GRIK2: variants seen among roughly 807,000 people sequenced by gnomAD.
The protein encoded by GRIK2 is glutamate ionotropic receptor kainate type subunit 2, also known as glutamate receptor ionotropic, kainate 2.
Under a neutral mutation model 100.3 loss-of-function variants are expected in GRIK2, and 32 were observed. The observed-to-expected ratio is 0.32, with a 90% confidence interval of 0.24 to 0.43. The LOEUF is 0.43. Among genes scored for constraint, GRIK2 ranks in the 20% least tolerant of loss-of-function variants. The pLI, the probability that GRIK2 is intolerant of heterozygous loss-of-function variation, is 1.00. For synonymous variants in GRIK2, 417 were observed against 389.4 expected, an observed-to-expected ratio of 1.07 and a Z score of -0.83; for missense variants, 843 against 1,114.9, an observed-to-expected ratio of 0.76 and a Z score of 3.47.
chr6:101,500,282 T>C (rs1314547166), intron 2 of GRIK2, among the ~76,000 whole-genome samples: 2 of 152,108 alleles, frequency 1.3e-5, no homozygotes, highest in African/African-American at 4.8e-5. Context: ...GATTCAAGAT[T>C]CTCAGCTAAG....
At chr6:101,467,442 C>A (rs1006322073) in intron 2 of GRIK2, among the ~76,000 whole-genome samples, 1 of 152,106 alleles carries the variant, frequency 6.6e-6, no homozygotes, top group Non-Finnish European at 1.5e-5. Flanking sequence ...AGATACAAAG[C>A]TTTCAAGGTT....
At chr6:101,458,410 A>G (rs1771121974) in intron 2 of GRIK2, among the ~76,000 whole-genome samples, 2 of 152,206 alleles carry the variant, frequency 1.3e-5, no homozygotes, top group African/African-American at 4.8e-5. Context: ...AAATTTTGGT[A>G]TACAGAAATT....
intron 10 of GRIK2, among the ~76,000 whole-genome samples, chr6:101,823,873 T>TTG (rs1398486454): frequency 1.1e-4 from 16 of 150,870 alleles, no homozygotes; most frequent in East Asian, 5.9e-4. Flanking sequence ...TTTTTTTTTT[T>TTG]TTGTTTTTTT....
intron 7 of GRIK2, among the ~76,000 whole-genome samples, chr6:101,744,297 A>G (rs943827922): frequency 1.5e-4 from 23 of 151,770 alleles, no homozygotes; most frequent in Non-Finnish European, 1.2e-4. Flanking sequence ...CTGAGTCTCC[A>G]AAGTCCAATG....
chr6:101,801,870 A>C (rs192724196), intron 8 of GRIK2, among the ~76,000 whole-genome samples: 1 of 152,044 alleles, frequency 6.6e-6, no homozygotes, highest in East Asian at 1.9e-4. Context: ...TAATTGAGTT[A>C]GTATAACATA....
At chr6:101,596,356 G>T (rs1038824118) in intron 2 of GRIK2, among the ~76,000 whole-genome samples, 6 of 151,184 alleles carry the variant, frequency 4.0e-5, no homozygotes, top group Middle Eastern at 3.2e-3. Flanking sequence ...TACCTGAGAG[G>T]CTTAACTTCT....
chr6:101,480,319 C>T (rs1487061306), intron 2 of GRIK2, among the ~76,000 whole-genome samples: 1 of 152,098 alleles, frequency 6.6e-6, no homozygotes, highest in Non-Finnish European at 1.5e-5. Flanking sequence ...ATTCAAATGA[C>T]TGAAATTGGA....
intron 14 of GRIK2, among the ~76,000 whole-genome samples, chr6:102,007,351 A>G (rs1446427249): frequency 1.3e-5 from 2 of 152,166 alleles, no homozygotes; most frequent in Non-Finnish European, 2.9e-5. Flanking sequence ...AGGTCCTGAA[A>G]TAAAGTAAAA....
chr6:101,758,539 GT>G (rs1304359091), intron 7 of GRIK2, among the ~76,000 whole-genome samples: 1 of 152,186 alleles, frequency 6.6e-6, no homozygotes, highest in African/African-American at 2.4e-5. Context: ...AATCTCTGCT[GT>G]TTGTTTAATT....
chr6:101,828,971 A>G (rs1029691233), intron 10 of GRIK2, among the ~76,000 whole-genome samples: 4 of 151,944 alleles, frequency 2.6e-5, no homozygotes, highest in South Asian at 2.1e-4. Context: ...GAAGAAAACT[A>G]TAGGCCAATA....
At chr6:101,450,790 A>G (rs187730161) in intron 2 of GRIK2, among the ~76,000 whole-genome samples, 1 of 151,878 alleles carries the variant, frequency 6.6e-6, no homozygotes, top group African/African-American at 2.4e-5. Context: ...AAAAGAAGGA[A>G]AAAGGTAGGA....
chr6:101,799,633 T>C lies in GRIK2; in HGVS notation c.952-15T>C, dbSNP rs1322838825. The C allele has an allele frequency of 6.2e-7, 1 of 1,609,334 alleles. No homozygotes were observed. On this transcript the variant is annotated splice_polypyrimidine_tract_variant and intron_variant, in intron 7 of 16. Transcript: ENST00000369134. Reference sequence around the variant, plus strand: ...GTTATATTGACTATAAATTTCCCTTTCCCTTGCTTTTCAGACTGATGCTGC... The same window carrying C: ...GTTATATTGACTATAAATTTCCCTTCCCCTTGCTTTTCAGACTGATGCTGC...
chr6:101,771,734 C>T lies in GRIK2; in HGVS notation c.952-27914C>T, dbSNP rs190064003. Among the ~76,000 whole-genome samples the T allele has an allele frequency of 8.4e-5, 12 of 143,620 alleles. No individual in the cohort carries two copies. The East Asian group carries it at 2.3e-3, about 28-fold the overall frequency. 94.2% of individuals were successfully genotyped at this position (143,620 alleles called of 152,430 possible). On this transcript the variant is annotated intron_variant, in intron 7 of 16. Coordinates refer to ENST00000369134, the MANE Select transcript of GRIK2 (RefSeq NM_021956.5). ...TGTGTGATGTTCCCCTTCCTGTGTC[C>T]ATGTGTTCTCATTGTTCAATTCCCA...
intron 2 of GRIK2, among the ~76,000 whole-genome samples, chr6:101,462,065 C>T (rs1157501726): frequency 6.6e-6 from 1 of 152,054 alleles, no homozygotes; most frequent in African/African-American, 2.4e-5. Flanking sequence ...CCTATCTGTG[C>T]TTAATTTTGC....
intron 11 of GRIK2, among the ~76,000 whole-genome samples, chr6:101,886,778 A>G (rs1313168137): frequency 6.8e-6 from 1 of 147,332 alleles, no homozygotes. Context: ...CGCTACCCCT[A>G]TAATCAGCCC....
At chr6:101,876,009 T>TTGTGTGTGTG (rs3054436) in intron 11 of GRIK2, among the ~76,000 whole-genome samples, 44 of 148,924 alleles carry the variant, frequency 3.0e-4, no homozygotes, top group Admixed American at 1.1e-3. Flanking sequence ...GTTTATGTGT[T>TTGTGTGTGTG]TGTGTGTGTG....
chr6:101,753,297 A>AG (rs1554258371), intron 7 of GRIK2, among the ~76,000 whole-genome samples: 11 of 147,246 alleles, frequency 7.5e-5, no homozygotes, highest in African/African-American at 2.6e-4. Context: ...AAAAAAAAAA[A>AG]AAAAAGAAAA....
At chr6:101,448,238 A>G (rs938711362) in intron 2 of GRIK2, among the ~76,000 whole-genome samples, 3 of 151,706 alleles carry the variant, frequency 2.0e-5, no homozygotes, top group African/African-American at 7.2e-5. Context: ...TGTATTATAC[A>G]TATGTTAGGA....
intron 4 of GRIK2, among the ~76,000 whole-genome samples, chr6:101,648,479 T>C (rs1370278667): frequency 2.0e-5 from 3 of 152,118 alleles, no homozygotes; most frequent in Non-Finnish European, 4.4e-5. Flanking sequence ...CTTACATCTA[T>C]GTAGAAATAT....
Sources: gnomAD v4.1 joint callset for allele counts (sites outside exome capture counted in the v4.1 genomes callset) on GRCh38, gnomAD v4.1.1 for gene constraint, MANE v1.5 for transcripts, NCBI Gene and HGNC (gene_info 2026-07-23, HGNC 2026-07-21) for gene names.